Variants in LRP1B observed in about 807,000 individuals in gnomAD.
LRP1B encodes the protein LDL receptor related protein 1B.
A neutral mutation model predicts 556.6 loss-of-function variants in LRP1B; 217 were observed. The observed-to-expected ratio is 0.39, with a 90% CI of 0.35 to 0.44. The LOEUF is 0.44. Among genes scored for constraint, LRP1B ranks in the 20% least tolerant of loss-of-function variants. The pLI is 1.00. For missense variants in LRP1B, 5,053 were observed against 5,620.8 expected (o/e 0.90, Z 3.23); for synonymous variants, 2,047 against 1,865.8 (o/e 1.10, Z -2.50).
chr2:141,290,013 T>C (rs967176095), intron 3 of LRP1B, among the ~76,000 whole-genome samples: 1 of 152,172 alleles, frequency 6.6e-6, no homozygotes, highest in African/African-American at 2.4e-5. Flanking sequence ...CTCAGTCAAT[T>C]TATAAATTTG....
At chr2:141,212,689 C>A (rs1264944158) in intron 6 of LRP1B, among the ~76,000 whole-genome samples, 1 of 151,996 alleles carries the variant, frequency 6.6e-6, no homozygotes, top group Non-Finnish European at 1.5e-5. Context: ...ATATAGTTCT[C>A]TAGGTATATG....
In LRP1B at chr2:140,840,975, G is replaced by A; in HGVS notation, c.5057C>T (p.Thr1686Ile). 6.2e-7 allele frequency: 1 copy of A among 1,613,086 alleles called. No homozygotes were observed. Among genetic ancestry groups the A allele is most frequent in the South Asian group, 1.1e-5 (1 of 90,934 alleles). ...CTTATCGATTCCATGGATAATTGAGGTTTTCAAAGAGCCATCTAGCCTTGC... is the reference window on the plus strand; with the variant it reads ...CTTATCGATTCCATGGATAATTGAGATTTTCAAAGAGCCATCTAGCCTTGC... ...NVARLDGSLKTSIIHGIDKPQ... is the reference protein window; with the variant it reads ...NVARLDGSLKISIIHGIDKPQ... The change falls in exon 30 of 91, where the codon ACC becomes ATC. Residue 1686 changes from threonine to isoleucine, a missense_variant. Around this residue, in one of 5 missense-constraint regions of LRP1B, gnomAD observed 3,619 missense variants for 3,931.9 expected, o/e 0.92. Coordinates refer to ENST00000389484, the MANE Select transcript of LRP1B (RefSeq NM_018557.3).
chr2:141,087,684 G>A (rs1700079704), intron 7 of LRP1B, among the ~76,000 whole-genome samples: 1 of 152,136 alleles, frequency 6.6e-6, no homozygotes, highest in African/African-American at 2.4e-5. Flanking sequence ...CCTAACATCT[G>A]CTAGAGGAAA....
intron 1 of LRP1B, among the ~76,000 whole-genome samples, chr2:142,041,736 A>C (rs1704073244): frequency 6.6e-6 from 1 of 151,496 alleles, no homozygotes; most frequent in African/African-American, 2.4e-5. Context: ...AACACAGTTC[A>C]CTGGGAAGTA....
At chr2:141,594,332 A>G (rs1687441885) in intron 2 of LRP1B, among the ~76,000 whole-genome samples, 2 of 152,162 alleles carry the variant, frequency 1.3e-5, no homozygotes, top group South Asian at 4.1e-4. Flanking sequence ...AACACTGGGA[A>G]GGCAGATGGT....
At chr2:140,580,868 A>G (rs916532588) in intron 43 of LRP1B, among the ~76,000 whole-genome samples, 1 of 152,162 alleles carries the variant, frequency 6.6e-6, no homozygotes, top group African/African-American at 2.4e-5. Flanking sequence ...ATCCTCCTGG[A>G]TGTGTCAATT....
intron 7 of LRP1B, among the ~76,000 whole-genome samples, chr2:141,147,301 G>A (rs1207802793): frequency 1.3e-5 from 2 of 152,088 alleles, no homozygotes; most frequent in Non-Finnish European, 2.9e-5. Context: ...CCCTTTGAAA[G>A]CAGTCTATCA....
intron 3 of LRP1B, among the ~76,000 whole-genome samples, chr2:141,381,409 A>T (rs2104887335): frequency 6.6e-6 from 1 of 152,066 alleles, no homozygotes; most frequent in African/African-American, 2.4e-5. Context: ...AGCTTAAAGG[A>T]CTTACGAGAT....
At chr2:140,544,863 G>A (rs1297773976) in intron 43 of LRP1B, among the ~76,000 whole-genome samples, 1 of 152,068 alleles carries the variant, frequency 6.6e-6, no homozygotes, top group Non-Finnish European at 1.5e-5. Flanking sequence ...GGGTCGAATG[G>A]TATCTCTATT....
chr2:140,252,899 C>T (rs1285582288), intron 86 of LRP1B, among the ~76,000 whole-genome samples: 1 of 152,002 alleles, frequency 6.6e-6, no homozygotes, highest in Non-Finnish European at 1.5e-5. Flanking sequence ...CAAATATACC[C>T]TTATGTCTCA....
chr2:141,865,536 G>C (rs940519787), intron 1 of LRP1B, among the ~76,000 whole-genome samples: 2 of 139,644 alleles, frequency 1.4e-5, no homozygotes, highest in Non-Finnish European at 3.0e-5. Flanking sequence ...AGCTTGCAGC[G>C]AGCCGAGATC....
chr2:141,523,303 G>A (rs772142764), intron 2 of LRP1B, among the ~76,000 whole-genome samples: 3 of 152,046 alleles, frequency 2.0e-5, no homozygotes, highest in Non-Finnish European at 2.9e-5. Flanking sequence ...AAATGATAAT[G>A]CAAAGTCATT....
chr2:141,676,685 C>T (rs1690893857), intron 2 of LRP1B, among the ~76,000 whole-genome samples: 1 of 152,006 alleles, frequency 6.6e-6, no homozygotes, highest in Non-Finnish European at 1.5e-5. Flanking sequence ...TAGGTTAAAC[C>T]CTTCATTTAA....
chr2:140,381,231 T>C (rs1443519457), intron 67 of LRP1B, among the ~76,000 whole-genome samples: 3 of 152,134 alleles, frequency 2.0e-5, no homozygotes, highest in Non-Finnish European at 4.4e-5. Flanking sequence ...CTTATTTGGA[T>C]AAAATAAAAG....
chr2:141,796,845 C>A (rs995048804), intron 2 of LRP1B, among the ~76,000 whole-genome samples: 4 of 151,476 alleles, frequency 2.6e-5, no homozygotes, highest in Non-Finnish European at 5.9e-5. Flanking sequence ...TGAAATGAAA[C>A]CTTCTTCAGG....
At chr2:141,405,537 A>G (rs1476562198) in intron 3 of LRP1B, among the ~76,000 whole-genome samples, 2 of 152,154 alleles carry the variant, frequency 1.3e-5, no homozygotes, top group African/African-American at 4.8e-5. Flanking sequence ...TGCTTTTTGT[A>G]GTCTGGGTAC....
intron 70 of LRP1B, 21 bp downstream of exon 70, chr2:140,371,158 T>C: frequency 7.0e-7 from 1 of 1,420,008 alleles, no homozygotes; most frequent in Non-Finnish European, 9.6e-7. Flanking sequence ...TCAAATATTT[T>C]AATTAAACAA....
At chr2:141,784,715 T>C (rs1464799127) in intron 2 of LRP1B, among the ~76,000 whole-genome samples, 1 of 151,934 alleles carries the variant, frequency 6.6e-6, no homozygotes, top group Non-Finnish European at 1.5e-5. Flanking sequence ...ATGTGCATTA[T>C]ATAATAAGCA....
intron 1 of LRP1B, among the ~76,000 whole-genome samples, chr2:142,013,040 G>C (rs1267968647): frequency 1.3e-5 from 2 of 152,190 alleles, no homozygotes; most frequent in Non-Finnish European, 2.9e-5. Context: ...GTAGGAAACA[G>C]AGTGAATAGA....
Sources: allele counts gnomAD v4.1 joint callset (sites outside exome capture counted in the v4.1 genomes callset), GRCh38; gene constraint gnomAD v4.1.1; regional missense constraint gnomAD v4.1.1; transcripts MANE v1.5; gene names NCBI Gene and HGNC (gene_info 2026-07-23, HGNC 2026-07-21).